Variants in PPP2R3A observed in about 807,000 individuals in gnomAD.
The protein encoded by PPP2R3A is protein phosphatase 2 regulatory subunit B''alpha, also known as serine/threonine-protein phosphatase 2A regulatory subunit B'' subunit alpha.
A neutral mutation model predicts 106.9 loss-of-function variants in PPP2R3A; 80 were observed. The observed-to-expected ratio is 0.75, with a 90% confidence interval of 0.62 to 0.90. The LOEUF (loss-of-function observed/expected upper bound fraction) is 0.90, where lower values mean the gene tolerates loss of function less well. Among genes scored for constraint, PPP2R3A ranks in the 40% least tolerant of loss-of-function variants. The pLI is 0.00. For synonymous variants in PPP2R3A, 483 were observed against 468.3 expected, an observed-to-expected ratio of 1.03 and a Z score of -0.41; for missense variants, 1,386 against 1,350.4, an observed-to-expected ratio of 1.03 and a Z score of -0.41.
chr3:136,037,692 T>C (rs967709182), intron 3 of PPP2R3A, among the ~76,000 whole-genome samples: 2 of 152,254 alleles, frequency 1.3e-5, no homozygotes, highest in African/African-American at 4.8e-5. Context: ...CTGAGACATC[T>C]TTAAATGTTG....
chr3:136,032,530 A>T (rs75956339), intron 3 of PPP2R3A, among the ~76,000 whole-genome samples: 2,363 of 143,944 alleles, frequency 0.016, 29 homozygotes, highest in Middle Eastern at 0.044. Flanking sequence ...TTATTTATTT[A>T]TTTTTTTTTT....
chr3:136,104,642 A>G (rs745603364), intron 12 of PPP2R3A, among the ~76,000 whole-genome samples: 61 of 152,254 alleles, frequency 4.0e-4, no homozygotes, highest in Middle Eastern at 3.4e-3. Context: ...CAAAACCCCA[A>G]ACATTGCCAG....
chr3:136,004,386 A>T (rs1344810953), intron 2 of PPP2R3A, among the ~76,000 whole-genome samples: 1 of 152,110 alleles, frequency 6.6e-6, no homozygotes. Context: ...CTGCCCATTG[A>T]CCCATCTAGG....
At chr3:136,144,672 AG>A (rs1939033285) in intron 13 of PPP2R3A, among the ~76,000 whole-genome samples, 1 of 149,460 alleles carries the variant, frequency 6.7e-6, no homozygotes, top group Admixed American at 6.6e-5. Context: ...AAAAAAAAAA[AG>A]GTTTGCCACT....
At chr3:136,091,061 T>C (rs944366114) in intron 10 of PPP2R3A, among the ~76,000 whole-genome samples, 8 of 152,234 alleles carry the variant, frequency 5.3e-5, no homozygotes, top group Admixed American at 4.6e-4. Context: ...ACATCCTCAG[T>C]CTGCCAGTTG....
chr3:136,051,408 C>T (rs1318114849), intron 5 of PPP2R3A, among the ~76,000 whole-genome samples: 1 of 152,206 alleles, frequency 6.6e-6, no homozygotes, highest in Non-Finnish European at 1.5e-5. Flanking sequence ...TGGCTCACTG[C>T]AGCCTCCGCC....
At position 136,082,371 on chromosome 3, in the gene PPP2R3A, A is replaced by G; in HGVS notation, c.2738A>G (p.Asp913Gly). Residue 913 changes from aspartate (D) to glycine (G), a missense_variant, in exon 8 of 14, where the codon GAT (aspartate) becomes GGT (glycine). Transcript: ENST00000264977. Reference sequence around the variant, plus strand: ...TGTAAATTCTGGGAACTAGATACTGATCACGACCTCTACATCAGCCAGGCC... The same window carrying G: ...TGTAAATTCTGGGAACTAGATACTGGTCACGACCTCTACATCAGCCAGGCC... ...IYCKFWELDT[D>G]HDLYISQADL... 1 of 1,613,694 alleles carries G rather than the reference A, an allele frequency of 6.2e-7. No individual in the cohort carries two copies. The highest frequency in any genetic ancestry group is 8.5e-7 in the Non-Finnish European group (1 of 1,179,606).
chr3:136,093,059 G>A (rs1031571702), intron 10 of PPP2R3A, among the ~76,000 whole-genome samples: 2 of 152,186 alleles, frequency 1.3e-5, no homozygotes, highest in South Asian at 2.1e-4. Flanking sequence ...TCTTAGATGT[G>A]ACACCAAAAG....
intron 4 of PPP2R3A, among the ~76,000 whole-genome samples, chr3:136,044,655 G>T (rs910375421): frequency 2.0e-5 from 3 of 150,668 alleles, no homozygotes; most frequent in Admixed American, 2.0e-4. Flanking sequence ...TTCCTACCAA[G>T]AGAAACCAAA....
chr3:136,049,236 C>T (rs1277636405), intron 4 of PPP2R3A, 23 bp from the exon 5 acceptor site: 6 of 1,544,186 alleles, frequency 3.9e-6, no homozygotes, highest in Non-Finnish European at 5.3e-6. Context: ...ACTAATCTTC[C>T]TAAGCAGTTG....
chr3:135,989,140 G>A (rs1013483959), intron 1 of PPP2R3A, among the ~76,000 whole-genome samples: 1 of 152,112 alleles, frequency 6.6e-6, no homozygotes, highest in Non-Finnish European at 1.5e-5. Context: ...GATAAAAGCA[G>A]AGCTGTTTTG....
intron 2 of PPP2R3A, among the ~76,000 whole-genome samples, chr3:136,014,977 T>G (rs1334980481): frequency 6.6e-6 from 1 of 152,200 alleles, no homozygotes; most frequent in African/African-American, 2.4e-5. Flanking sequence ...TAGATAGCTT[T>G]TATTACCTTA....
Position 136,003,139 on chromosome 3 carries a change from CGGTCAGACCCTT to C in PPP2R3A, c.1643_1654del (p.Gly548_Leu551del), listed in dbSNP as rs1933707870. 1 of 1,612,690 alleles carries C rather than the reference CGGTCAGACCCTT, an allele frequency of 6.2e-7. No homozygotes were observed. The highest frequency in any genetic ancestry group is 1.7e-5 in the Admixed American group (1 of 59,772). On this transcript the variant is annotated inframe_deletion, in exon 2 of 14. Transcript: ENST00000264977. Reference sequence around the variant, plus strand: ...TTTTAAATAGTCACAGTCAGTTGACCGGTCAGACCCTTGTAGATCTTGAGCCTAAATCTAAAG... The same window carrying C: ...TTTTAAATAGTCACAGTCAGTTGACCGTAGATCTTGAGCCTAAATCTAAAG...
intron 5 of PPP2R3A, among the ~76,000 whole-genome samples, chr3:136,061,506 C>T (rs934788381): frequency 2.0e-5 from 3 of 152,076 alleles, no homozygotes; most frequent in African/African-American, 7.2e-5. Flanking sequence ...CACGTACCTA[C>T]AGTCCCAGCT....
intron 13 of PPP2R3A, among the ~76,000 whole-genome samples, chr3:136,118,970 A>T (rs1270403735): frequency 1.3e-5 from 2 of 152,196 alleles, no homozygotes; most frequent in Non-Finnish European, 2.9e-5. Context: ...ACTTCAAACT[A>T]TACTACAAGG....
chr3:136,128,275 T>C (rs1308144867), intron 13 of PPP2R3A, among the ~76,000 whole-genome samples: 1 of 150,960 alleles, frequency 6.6e-6, no homozygotes, highest in African/African-American at 2.4e-5. Context: ...ACCCATCTCA[T>C]GTGCAAAGAC....
intron 1 of PPP2R3A, among the ~76,000 whole-genome samples, chr3:135,984,371 A>G (rs1176197544): frequency 3.3e-5 from 5 of 152,186 alleles, no homozygotes; most frequent in Non-Finnish European, 2.9e-5. Context: ...CAGTTTCCTC[A>G]TCTGTGAAAT....
At chr3:136,044,610 A>G (rs1487653667) in intron 4 of PPP2R3A, among the ~76,000 whole-genome samples, 1 of 151,356 alleles carries the variant, frequency 6.6e-6, no homozygotes, top group Non-Finnish European at 1.5e-5. Flanking sequence ...GGATGTTAAG[A>G]TGGCCAAGAA....
At chr3:136,130,651 A>G (rs944013593) in intron 13 of PPP2R3A, among the ~76,000 whole-genome samples, 2 of 152,216 alleles carry the variant, frequency 1.3e-5, no homozygotes, top group African/African-American at 4.8e-5. Context: ...CAAAATTGGA[A>G]AAAACTACTT....
Sources: gnomAD v4.1 joint callset for allele counts (sites outside exome capture counted in the v4.1 genomes callset) on GRCh38, gnomAD v4.1.1 for gene constraint, MANE v1.5 for transcripts, NCBI Gene and HGNC (gene_info 2026-07-23, HGNC 2026-07-21) for gene names.